Variants in CPEB1 observed in about 807,000 individuals in gnomAD.
CPEB1 encodes the protein cytoplasmic polyadenylation element binding protein 1, also known as cytoplasmic polyadenylation element-binding protein 1.
Under a neutral mutation model 65.8 loss-of-function variants are expected in CPEB1, and 7 were observed. That is an observed-to-expected ratio of 0.11 (90% CI 0.06 to 0.20). CPEB1 has a LOEUF of 0.20. Ranked by LOEUF, CPEB1 falls within the 10% of genes least tolerant of loss-of-function variation. The pLI is 1.00. For synonymous variants in CPEB1, 262 were observed against 260.0 expected, an observed-to-expected ratio of 1.01 and a Z score of -0.08; for missense variants, 551 against 712.2, an observed-to-expected ratio of 0.77 and a Z score of 2.58.
At position 82,610,760 on chromosome 15, in the gene CPEB1, C is replaced by A. The variant is rs556145895; in HGVS notation, c.271+16433G>T. 4.0e-3 allele frequency among the ~76,000 whole-genome samples: 600 copies of A among 151,520 alleles called. 4 individuals carry two copies. The highest frequency in any genetic ancestry group is 6.6e-3 in the Non-Finnish European group (450 of 67,880). On this transcript the variant is annotated intron_variant, in intron 3 of 12. Transcript: ENST00000684509. ...ATCACCTGAGGTCAGGAGTTGGAGT[C>A]CAGGCTGACCAACATCATGAAATCC... is the stretch of plus-strand genomic sequence containing the variant.
intron 3 of CPEB1, among the ~76,000 whole-genome samples, chr15:82,613,808 C>A (rs973719087): frequency 1.3e-5 from 2 of 152,116 alleles, no homozygotes; most frequent in African/African-American, 2.4e-5. Flanking sequence ...CAAGCTCCCC[C>A]CGGGGAGAGA....
chr15:82,632,766 C>A (rs528592331), intron 1 of CPEB1, among the ~76,000 whole-genome samples: 3 of 151,748 alleles, frequency 2.0e-5, no homozygotes, highest in African/African-American at 2.4e-5. Context: ...CGGGCTCAAG[C>A]GCTGCTCCTG....
chr15:82,546,416 G>A, intron 12 of CPEB1, 25 bp downstream of exon 12: 1 of 1,593,324 alleles, frequency 6.3e-7, no homozygotes, highest in Non-Finnish European at 8.6e-7. Flanking sequence ...ATAGAGGGCA[G>A]GGACTTCATA....
At chr15:82,568,965 C>A (rs933934408) in intron 4 of CPEB1, among the ~76,000 whole-genome samples, 1 of 152,192 alleles carries the variant, frequency 6.6e-6, no homozygotes, top group Non-Finnish European at 1.5e-5. Flanking sequence ...AATATATCAC[C>A]AAGCAGAGCT....
intron 3 of CPEB1, among the ~76,000 whole-genome samples, chr15:82,598,556 G>T: frequency 6.6e-6 from 1 of 152,182 alleles, no homozygotes; most frequent in Admixed American, 6.5e-5. Flanking sequence ...AGGCGGAGGT[G>T]GGTGGATCGC....
chr15:82,607,023 G>A (rs993298591), intron 3 of CPEB1, among the ~76,000 whole-genome samples: 1 of 151,770 alleles, frequency 6.6e-6, no homozygotes, highest in Non-Finnish European at 1.5e-5. Context: ...AAGAGACAAG[G>A]AAATTAAAGA....
intron 1 of CPEB1, among the ~76,000 whole-genome samples, chr15:82,646,341 A>C (rs2047518257): frequency 6.6e-6 from 1 of 152,148 alleles, no homozygotes; most frequent in South Asian, 2.1e-4. Context: ...ACAGCCCAGT[A>C]GTTGACTCAG....
chr15:82,615,668 T>C (rs1028453771), intron 3 of CPEB1, among the ~76,000 whole-genome samples: 5 of 152,178 alleles, frequency 3.3e-5, no homozygotes, highest in Admixed American at 6.5e-5. Context: ...GATTTACAGC[T>C]ATATCAACTG....
chr15:82,617,425 T>C (rs892519949), intron 3 of CPEB1, among the ~76,000 whole-genome samples: 7 of 152,184 alleles, frequency 4.6e-5, no homozygotes, highest in Non-Finnish European at 8.8e-5. Flanking sequence ...TACTCAAAAC[T>C]GTCAACATAA....
intron 3 of CPEB1, among the ~76,000 whole-genome samples, chr15:82,602,898 T>C (rs1028706563): frequency 3.3e-5 from 5 of 152,128 alleles, no homozygotes; most frequent in East Asian, 1.9e-4. Flanking sequence ...AGGGTAATAT[T>C]AGTGAAATGG....
At chr15:82,552,704 G>T in intron 8 of CPEB1, 88 bp from the exon 9 acceptor site, 2 of 1,398,502 alleles carry the variant, frequency 1.4e-6, no homozygotes, top group Non-Finnish European at 2.0e-6. Flanking sequence ...TTTCTTCCAA[G>T]AAAGAAGGTC....
rs797019601 is a variant in CPEB1, at chr15:82,590,314, A to G, written c.272-18782T>C. Among the ~76,000 whole-genome samples, 13 of 151,610 alleles carry G rather than the reference A, an allele frequency of 8.6e-5. 1 individual carries two copies. The highest frequency in any genetic ancestry group is 2.9e-4 in the African/African-American group (12 of 41,288). ...GTTAACCTTCTGTTACCCATTACAC[A>G]TATTTTTTCCTCCTTGGTCACATAT... On this transcript the variant is annotated intron_variant, in intron 3 of 12. Transcript: ENST00000684509.
chr15:82,573,517 G>A (rs977164306), intron 3 of CPEB1, among the ~76,000 whole-genome samples: 2 of 151,934 alleles, frequency 1.3e-5, no homozygotes, highest in South Asian at 2.1e-4. Context: ...CCATATTTAA[G>A]TATCTATTCT....
At chr15:82,588,654 GACTT>G (rs1235826766) in intron 3 of CPEB1, among the ~76,000 whole-genome samples, 1 of 152,064 alleles carries the variant, frequency 6.6e-6, no homozygotes, top group Non-Finnish European at 1.5e-5. Context: ...CATTGATCTT[GACTT>G]ACTTGGGCAA....
At chr15:82,592,338 A>G (rs1209388331) in intron 3 of CPEB1, among the ~76,000 whole-genome samples, 1 of 151,990 alleles carries the variant, frequency 6.6e-6, no homozygotes, top group Non-Finnish European at 1.5e-5. Context: ...CTGTATTCCT[A>G]GCACTTTGGG....
intron 3 of CPEB1, among the ~76,000 whole-genome samples, chr15:82,584,811 C>T (rs755808536): frequency 3.6e-5 from 5 of 138,822 alleles, no homozygotes; most frequent in Admixed American, 7.4e-5. Flanking sequence ...TTAATATACA[C>T]GTTTGAAAAA....
At chr15:82,577,169 G>C (rs1209365595) in intron 3 of CPEB1, among the ~76,000 whole-genome samples, 1 of 152,200 alleles carries the variant, frequency 6.6e-6, no homozygotes, top group Non-Finnish European at 1.5e-5. Flanking sequence ...TGTTGGCAAA[G>C]GTGTGTTTTG....
At position 82,571,666 on chromosome 15, in the gene CPEB1, G is replaced by A; in HGVS notation, c.272-134C>T. On this transcript the variant is annotated intron_variant, in intron 3 of 12. Transcript: ENST00000684509. ...ACATCCAAGCTGGCTGGATGCTGCA[G>A]CCGCTGCCTCTGCACTTTTGGGGAC... 5 of 1,449,040 alleles carry A rather than the reference G, an allele frequency of 3.5e-6. 1 individual carries two copies. Among genetic ancestry groups the A allele is most frequent in the Admixed American group, 5.6e-5 (2 of 36,022 alleles). The allele number at this position is 1,449,040 out of a possible 1,614,324, so 89.8% of individuals were successfully genotyped here. A position where few individuals can be genotyped will look rare whatever the true frequency, so the allele number is the denominator to read the frequency against.
chr15:82,555,089 C>T (rs1380584961), intron 6 of CPEB1, among the ~76,000 whole-genome samples: 1 of 152,202 alleles, frequency 6.6e-6, no homozygotes, highest in Non-Finnish European at 1.5e-5. Flanking sequence ...AAATTCAGGA[C>T]CTCTGAAGAG....
Sources: allele counts gnomAD v4.1 joint callset (sites outside exome capture counted in the v4.1 genomes callset), GRCh38; gene constraint gnomAD v4.1.1; transcripts MANE v1.5; gene names NCBI Gene and HGNC (gene_info 2026-07-23, HGNC 2026-07-21).